The following CHN2 variants were observed in gnomAD, a reference collection of about 807,000 sequenced individuals.
CHN2 encodes chimerin 2.
CHN2 carries 35 observed loss-of-function variants against 56.3 expected under a neutral mutation model. The ratio of observed to expected loss-of-function variants is 0.62; its 90% CI spans 0.47 to 0.82. The LOEUF (loss-of-function observed/expected upper bound fraction) is 0.82, where lower values mean the gene tolerates loss of function less well. Among genes scored for constraint, CHN2 ranks in the 40% least tolerant of loss-of-function variants. The pLI is 0.00. For missense variants in CHN2, 491 were observed against 580.5 expected (o/e 0.85, Z 1.58); for synonymous variants, 210 against 212.8 (o/e 0.99, Z 0.12).
chr7:29,196,941 A>G (rs1783781806), intron 1 of CHN2, among the ~76,000 whole-genome samples: 1 of 152,180 alleles, frequency 6.6e-6, no homozygotes, highest in African/African-American at 2.4e-5. Flanking sequence ...GCATGGATGT[A>G]TTGTTTGGCA....
intron 6 of CHN2, among the ~76,000 whole-genome samples, chr7:29,440,661 G>A (rs995492170): frequency 2.2e-5 from 3 of 139,046 alleles, no homozygotes; most frequent in Admixed American, 7.9e-5. Flanking sequence ...CTCCAGCCTG[G>A]GCAACACAAT....
At chr7:29,195,865 T>G (rs555378120) in intron 1 of CHN2, among the ~76,000 whole-genome samples, 4 of 152,126 alleles carry the variant, frequency 2.6e-5, no homozygotes, top group Non-Finnish European at 5.9e-5. Context: ...ACCCACTGGT[T>G]TCTGAGTATG....
At chr7:29,496,071 G>A (rs774508440) in intron 8 of CHN2, 35 bp downstream of exon 8, 2 of 1,534,904 alleles carry the variant, frequency 1.3e-6, no homozygotes, top group East Asian at 4.5e-5. Flanking sequence ...CCAATTATAT[G>A]AAATGCCACT....
chr7:29,258,896 A>G (rs1034200583), intron 1 of CHN2, among the ~76,000 whole-genome samples: 3 of 152,184 alleles, frequency 2.0e-5, no homozygotes, highest in Admixed American at 6.5e-5. Context: ...GTGAAATAGC[A>G]TATGTATTAG....
intron 1 of CHN2, among the ~76,000 whole-genome samples, chr7:29,264,293 G>A (rs548681760): frequency 8.0e-4 from 122 of 152,094 alleles, no homozygotes; most frequent in South Asian, 2.1e-4. Context: ...CTGCCCGGCC[G>A]TAACCCCGTC....
intron 7 of CHN2, among the ~76,000 whole-genome samples, chr7:29,490,025 T>C (rs1271068254): frequency 6.6e-6 from 1 of 152,192 alleles, no homozygotes; most frequent in African/African-American, 2.4e-5. Context: ...TATTGCATTT[T>C]CATTTTTACC....
chr7:29,164,096 G>A (rs1795565092), intron 2 of CHN2, among the ~76,000 whole-genome samples: 1 of 152,200 alleles, frequency 6.6e-6, no homozygotes, highest in Non-Finnish European at 1.5e-5. Context: ...TCTCAAAAGT[G>A]TTGTGCCATT....
intron 6 of CHN2, among the ~76,000 whole-genome samples, chr7:29,414,834 C>G (rs1803569633): frequency 6.6e-6 from 1 of 152,138 alleles, no homozygotes; most frequent in Non-Finnish European, 1.5e-5. Flanking sequence ...ATGTCCCTCC[C>G]CATTGCCTTC....
At chr7:29,374,851 G>C (rs13235146) in intron 3 of CHN2, among the ~76,000 whole-genome samples, 83 of 38,894 alleles carry the variant, frequency 2.1e-3, no homozygotes, top group African/African-American at 3.3e-3. Flanking sequence ...CTTCCTTCCT[G>C]CCTCCCTCCC....
intron 1 of CHN2, among the ~76,000 whole-genome samples, chr7:29,305,931 C>G (rs1270009044): frequency 6.6e-6 from 1 of 151,620 alleles, no homozygotes; most frequent in Non-Finnish European, 1.5e-5. Flanking sequence ...CACATGCTTA[C>G]TTGAATCTTT....
chr7:29,319,957 C>G (rs946848555), intron 1 of CHN2, among the ~76,000 whole-genome samples: 1 of 152,140 alleles, frequency 6.6e-6, no homozygotes, highest in Non-Finnish European at 1.5e-5. Context: ...ATTTTCGTGA[C>G]TCTTTACTAG....
chr7:29,513,407 G>GT lies in CHN2; in HGVS notation c.*673dup, dbSNP rs1166117063. ...AGCATTGGCATTCTTCTATTGTATG[G>GT]TATGTATTTATAGCAATTGTAGGAT... On this transcript the variant is annotated 3_prime_UTR_variant, in exon 13 of 13. Coordinates refer to ENST00000222792, the MANE Select transcript of CHN2 (RefSeq NM_004067.4). 1 of 152,586 alleles carries GT rather than the reference G, an allele frequency of 6.6e-6. No homozygotes were observed. The highest frequency in any genetic ancestry group is 2.4e-5 in the African/African-American group (1 of 41,440). 9.5% of individuals were successfully genotyped at this position (152,586 alleles called of 1,614,324 possible).
intron 1 of CHN2, among the ~76,000 whole-genome samples, chr7:29,330,759 G>A (rs1796153410): frequency 6.6e-6 from 1 of 152,186 alleles, no homozygotes; most frequent in Admixed American, 6.5e-5. Flanking sequence ...AAAAGGAAAG[G>A]GGAGAGCGTT....
intron 1 of CHN2, among the ~76,000 whole-genome samples, chr7:29,217,012 C>G (rs1477681539): frequency 6.6e-6 from 1 of 152,100 alleles, no homozygotes; most frequent in East Asian, 1.9e-4. Context: ...GGAAAAACCT[C>G]CAGAGAGTCA....
chr7:29,374,002 A>G (rs1426109585), intron 3 of CHN2, among the ~76,000 whole-genome samples: 1 of 152,252 alleles, frequency 6.6e-6, no homozygotes, highest in Non-Finnish European at 1.5e-5. Flanking sequence ...TCTTAAAGTA[A>G]TGAGATTGAT....
chr7:29,431,353 C>T (rs886243535), intron 6 of CHN2, among the ~76,000 whole-genome samples: 1 of 152,212 alleles, frequency 6.6e-6, no homozygotes, highest in Non-Finnish European at 1.5e-5. Flanking sequence ...TCTCTCCTCC[C>T]TTAGCCACGG....
intron 1 of CHN2, among the ~76,000 whole-genome samples, chr7:29,257,726 C>T (rs1440790571): frequency 3.9e-5 from 6 of 152,202 alleles, no homozygotes; most frequent in African/African-American, 1.4e-4. Flanking sequence ...ATATCCTGCT[C>T]TCCCTATTTC....
chr7:29,202,650 G>C (rs965895546), intron 1 of CHN2, among the ~76,000 whole-genome samples: 3 of 152,126 alleles, frequency 2.0e-5, no homozygotes, highest in Non-Finnish European at 2.9e-5. Flanking sequence ...GAAGCACTTG[G>C]GTGATAACCT....
At chr7:29,319,577 T>C (rs754822359) in intron 1 of CHN2, among the ~76,000 whole-genome samples, 1 of 152,208 alleles carries the variant, frequency 6.6e-6, no homozygotes, top group Non-Finnish European at 1.5e-5. Flanking sequence ...AATTGTTGAT[T>C]TATATTTGAT....
Sources: gnomAD v4.1 joint callset for allele counts (sites outside exome capture counted in the v4.1 genomes callset) on GRCh38, gnomAD v4.1.1 for gene constraint, MANE v1.5 for transcripts, NCBI Gene and HGNC (gene_info 2026-07-23, HGNC 2026-07-21) for gene names.